TBC1D8B: variants seen among roughly 807,000 people sequenced by gnomAD.
The protein encoded by TBC1D8B is RP11-321G1.1.
TBC1D8B carries 75 observed loss-of-function variants against 82.9 expected under a neutral mutation model. The observed-to-expected ratio is 0.90, with a 90% CI of 0.75 to 1.10. The LOEUF is 1.10. Among genes scored for constraint, TBC1D8B ranks in the 50% least tolerant of loss-of-function variants. The probability of loss-of-function intolerance (pLI) is 0.00; values close to 1 mark genes in which losing one functional copy is unlikely to be tolerated. For synonymous variants in TBC1D8B, 276 were observed against 276.8 expected, an observed-to-expected ratio of 1.00 and a Z score of 0.03; for missense variants, 794 against 796.9, an observed-to-expected ratio of 1.00 and a Z score of 0.04.
Position 106,866,022 on chromosome X carries a change from C to G in TBC1D8B, c.2651C>G (p.Ser884Cys). The G allele has an allele frequency of 8.3e-7, 1 of 1,200,727 alleles. No homozygotes were observed. The highest frequency in any genetic ancestry group is 2.3e-4 in the Middle Eastern group (1 of 4,288). Reference protein sequence around the residue: ...SDCLINFKEFSSAIDIMYNGS... With the variant: ...SDCLINFKEFCSAIDIMYNGS... ...TGCCTTATAAACTTCAAAGAATTCT[C>G]CTCTGCAATTGGTAAGATGATTTTT... The change falls in exon 16 of 21, where the codon TCC becomes TGC. Residue 884 changes from serine (S) to cysteine (C), a missense_variant. By Grantham distance (112) the Ser-to-Cys change is moderately radical. Transcript: ENST00000357242.
intron 9 of TBC1D8B, 121 bp from the exon 10 acceptor site, chrX:106,840,549 C>A: frequency 1.5e-6 from 1 of 658,641 alleles, no homozygotes; most frequent in Non-Finnish European, 2.3e-6. Context: ...TGTTTGTGCT[C>A]AGAAATCACT....
chrX:106,832,298 G>A (rs1932067987), intron 7 of TBC1D8B, among the ~76,000 whole-genome samples: 1 of 110,846 alleles, frequency 9.0e-6, no homozygotes, highest in Admixed American at 9.7e-5. Context: ...TTTTTATATG[G>A]GTATATATTT....
At chrX:106,830,652 G>A (rs1236904568) in intron 7 of TBC1D8B, among the ~76,000 whole-genome samples, 1 of 109,353 alleles carries the variant, frequency 9.1e-6, no homozygotes, top group Non-Finnish European at 1.9e-5. Flanking sequence ...GTAGGGACAT[G>A]GATGAAATTG....
At chrX:106,812,862 A>G (rs1248380854) in intron 1 of TBC1D8B, among the ~76,000 whole-genome samples, 1 of 110,504 alleles carries the variant, frequency 9.0e-6, no homozygotes, top group African/African-American at 3.3e-5. Flanking sequence ...TTATTTATTT[A>G]TTTTTGAGAT....
At chrX:106,845,964 TAAC>T (rs1453208295) in intron 10 of TBC1D8B, among the ~76,000 whole-genome samples, 5 of 109,881 alleles carry the variant, frequency 4.6e-5, no homozygotes, top group African/African-American at 1.3e-4. Flanking sequence ...ACAAGTCAAA[TAAC>T]AACAATTATT....
intron 14 of TBC1D8B, among the ~76,000 whole-genome samples, chrX:106,861,247 CA>C (rs1407682851): frequency 9.0e-6 from 1 of 111,122 alleles, no homozygotes; most frequent in Non-Finnish European, 1.9e-5. Context: ...TCCGTTTGGT[CA>C]AGTGTTGAGT....
At chrX:106,854,131 T>C in intron 13 of TBC1D8B, 67 bp from the exon 14 acceptor site, 2 of 784,531 alleles carry the variant, frequency 2.5e-6, no homozygotes, top group Non-Finnish European at 3.6e-6. Flanking sequence ...CTGATAAAAC[T>C]GAATTGTAAA....
At chrX:106,811,456 G>A (rs1050079530) in intron 1 of TBC1D8B, among the ~76,000 whole-genome samples, 1 of 111,571 alleles carries the variant, frequency 9.0e-6, no homozygotes, top group Non-Finnish European at 1.9e-5. Flanking sequence ...TTGAGCCAGG[G>A]ATGTGGAGGC....
At chrX:106,809,810 C>T (rs1403412352) in intron 1 of TBC1D8B, among the ~76,000 whole-genome samples, 1 of 103,521 alleles carries the variant, frequency 9.7e-6, no homozygotes, top group African/African-American at 3.6e-5. Context: ...CTGGAACCCA[C>T]GAGGCGGAGG....
chrX:106,862,504 T>C (rs915577324), intron 14 of TBC1D8B, among the ~76,000 whole-genome samples: 4 of 111,588 alleles, frequency 3.6e-5, no homozygotes, highest in African/African-American at 1.3e-4. Context: ...ATCCTTTTAT[T>C]GTATTCCTTA....
chrX:106,816,515 T>C (rs922640315), intron 1 of TBC1D8B, among the ~76,000 whole-genome samples: 6 of 111,118 alleles, frequency 5.4e-5, no homozygotes, highest in African/African-American at 2.0e-4. Flanking sequence ...AGTTGAAATA[T>C]AATTATTTTC....
At chrX:106,856,523 G>A (rs1158470791) in intron 14 of TBC1D8B, among the ~76,000 whole-genome samples, 1 of 109,839 alleles carries the variant, frequency 9.1e-6, no homozygotes, top group East Asian at 2.8e-4. Context: ...TTTTTATTAT[G>A]TAATATTATG....
intron 18 of TBC1D8B, 89 bp downstream of exon 18, chrX:106,868,565 T>C (rs996823267): frequency 1.3e-5 from 7 of 553,196 alleles, no homozygotes; most frequent in East Asian, 4.2e-5. Context: ...CCAACTAAAA[T>C]TGGGCTTCAT....
intron 1 of TBC1D8B, chrX:106,814,187 T>G (rs918455328): frequency 9.0e-6 from 1 of 111,635 alleles, no homozygotes; most frequent in African/African-American, 3.3e-5. Context: ...GGACATGAAC[T>G]CATCATTTTT....
rs773946819 is a variant in TBC1D8B, at chrX:106,875,951, T to C, written c.*1986T>C. Reference sequence around the variant, plus strand: ...AAAAAGAAAACATTTATTTTCTGAGTCTGCAGGAGAAACAAACTAAACATT... The same window carrying C: ...AAAAAGAAAACATTTATTTTCTGAGCCTGCAGGAGAAACAAACTAAACATT... On this transcript the variant is annotated 3_prime_UTR_variant, in exon 21 of 21. Coordinates refer to ENST00000357242, the MANE Select transcript of TBC1D8B (RefSeq NM_017752.3). The C allele has an allele frequency of 8.9e-6, 1 of 112,034 alleles. No individual in the cohort carries two copies. The highest frequency in any genetic ancestry group is 3.2e-5 in the African/African-American group (1 of 30,816). The allele number at this position is 112,034 out of a possible 1,213,427, so 9.2% of individuals were successfully genotyped here. A position where few individuals can be genotyped will look rare whatever the true frequency, so the allele number is the denominator to read the frequency against.
At chrX:106,858,786 G>A (rs1466978823) in intron 14 of TBC1D8B, among the ~76,000 whole-genome samples, 1 of 111,684 alleles carries the variant, frequency 9.0e-6, no homozygotes, top group South Asian at 3.8e-4. Context: ...CTTTGCCACC[G>A]CCTATATCTA....
chrX:106,865,618 C>A lies in TBC1D8B; in HGVS notation c.2412C>A (p.Val804=). 1 of 1,192,926 alleles carries A rather than the reference C, an allele frequency of 8.4e-7. No individual in the cohort carries two copies. The highest frequency in any genetic ancestry group is 1.9e-5 in the South Asian group (1 of 53,088). ...TTCAAGAATTGGATGAACTTTATGT[C>A]ATCTTTAAGGTACTGTTGTTCTTCT... The part of the protein sequence containing the change: ...LSLQELDELY[V]IFKKELFLSC... Residue 804 remains valine, a synonymous_variant, in exon 15 of 21, where the codon GTC becomes GTA. Coordinates refer to ENST00000357242, the MANE Select transcript of TBC1D8B (RefSeq NM_017752.3).
At chrX:106,866,740 AATTG>A (rs1932817491) in intron 16 of TBC1D8B, 53 bp from the exon 17 acceptor site, 6 of 865,921 alleles carry the variant, frequency 6.9e-6, no homozygotes, top group Middle Eastern at 3.5e-4. Context: ...TTGTTGCTGA[AATTG>A]ATTGAATGTT....
At chrX:106,849,861 C>T in intron 11 of TBC1D8B, 164 bp from the exon 12 acceptor site, 1 of 1,045,026 alleles carries the variant, frequency 9.6e-7, no homozygotes, top group Non-Finnish European at 1.2e-6. Flanking sequence ...AAGTACATGA[C>T]ACTACTAGCA....
Sources: allele counts gnomAD v4.1 joint callset (sites outside exome capture counted in the v4.1 genomes callset), GRCh38; gene constraint gnomAD v4.1.1; transcripts MANE v1.5; gene names NCBI Gene and HGNC (gene_info 2026-07-23, HGNC 2026-07-21).